TIAM1: variants seen among roughly 807,000 people sequenced by gnomAD.
The protein encoded by TIAM1 is rho guanine nucleotide exchange factor TIAM1.
TIAM1 carries 65 observed loss-of-function variants against 163.5 expected under a neutral mutation model. The observed-to-expected ratio is 0.40, with a 90% CI of 0.33 to 0.49. The LOEUF is 0.49. TIAM1 is among the 20% of genes least tolerant of loss of function. The probability of loss-of-function intolerance (pLI) is 0.77; values close to 1 mark genes in which losing one functional copy is unlikely to be tolerated. For missense variants in TIAM1, 1,789 were observed against 2,044.7 expected, an observed-to-expected ratio of 0.87 and a Z score of 2.41; for synonymous variants, 833 against 810.1, an observed-to-expected ratio of 1.03 and a Z score of -0.48.
At chr21:31,491,406 A>G (rs1246849169) in intron 1 of TIAM1, among the ~76,000 whole-genome samples, 20 of 152,234 alleles carry the variant, frequency 1.3e-4, no homozygotes. Context: ...AGAGTCTGGA[A>G]TCTTACAAAC....
intron 2 of TIAM1, among the ~76,000 whole-genome samples, chr21:31,301,973 G>A (rs902024042): frequency 2.9e-4 from 44 of 150,266 alleles, no homozygotes; most frequent in African/African-American, 8.3e-4. Flanking sequence ...ATATGTGTGC[G>A]TATATATATA....
chr21:31,173,955 G>A (rs1164250867), intron 15 of TIAM1, among the ~76,000 whole-genome samples: 3 of 152,180 alleles, frequency 2.0e-5, no homozygotes, highest in Non-Finnish European at 4.4e-5. Flanking sequence ...ACGCAGGCAG[G>A]CCATGTGCTG....
rs1271250656 is a variant in TIAM1, at chr21:31,141,120, C to G, written c.3772G>C (p.Glu1258Gln). The part of the protein sequence containing the change: ...LIAEQTGEKK[E>Q]VADLSMGDLL... ...CCTGAGAAGATGGGGACCCTCACCT[C>G]TTTTTTCTCACCAGTCTGTTCAGCA... The change falls in exon 22 of 28, where the codon GAG becomes CAG. Residue 1258 changes from glutamate to glutamine, a missense_variant and splice_region_variant. Around this residue, in one of 5 missense-constraint regions of TIAM1, gnomAD observed 415 missense variants for 439.2 expected, o/e 0.94. Transcript: ENST00000541036. This position sits in a 1 kb window ranked among gnomAD's most constrained non-coding sequence, Gnocchi z 4.7. 4 of 1,612,148 alleles carry G rather than the reference C, an allele frequency of 2.5e-6. No homozygotes were observed. Among genetic ancestry groups the G allele is most frequent in the Non-Finnish European group, 3.4e-6 (4 of 1,179,010 alleles).
chr21:31,412,478 T>C (rs2077375510), intron 2 of TIAM1, among the ~76,000 whole-genome samples: 1 of 151,806 alleles, frequency 6.6e-6, no homozygotes, highest in African/African-American at 2.4e-5. Context: ...CATCAGGCAT[T>C]AGATTCTTAT....
intron 2 of TIAM1, among the ~76,000 whole-genome samples, chr21:31,353,832 TATC>T (rs1219486992): frequency 2.7e-5 from 3 of 109,384 alleles, no homozygotes; most frequent in South Asian, 7.2e-4. Flanking sequence ...TTTATTTATT[TATC>T]TTTTTTTTTT....
Position 31,543,862 on chromosome 21 carries a change from C to A in TIAM1, c.-422+15065G>T, listed in dbSNP as rs1022064463. On this transcript the variant is annotated intron_variant, in intron 1 of 28. Transcript: ENST00000286827. ...TATCAGAGCTAAGCTTTCAGAAAATCAAGCTTCTTAGCACTGAGGACATAT... is the reference window on the plus strand; with the variant it reads ...TATCAGAGCTAAGCTTTCAGAAAATAAAGCTTCTTAGCACTGAGGACATAT... Among the ~76,000 whole-genome samples, 12 of 152,172 alleles carry A rather than the reference C, an allele frequency of 7.9e-5. 1 individual carries two copies.
Position 31,223,391 on chromosome 21 carries a change from T to C in TIAM1, c.1995+15A>G. On this transcript the variant is annotated intron_variant, in intron 8 of 27. Coordinates refer to ENST00000541036, the MANE Select transcript of TIAM1 (RefSeq NM_001353694.2). ...AAGCTTAATGTTTTTCAAAAATTCA[T>C]TAGCTTCTACTCACCAGGGCATGAA... The C allele has an allele frequency of 6.3e-7, 1 of 1,585,152 alleles. No homozygotes were observed. The highest frequency in any genetic ancestry group is 8.6e-7 in the Non-Finnish European group (1 of 1,164,900).
In TIAM1 at chr21:31,362,836, T is replaced by C. The variant is rs1375323504; in HGVS notation, c.-368-23414A>G. On this transcript the variant is annotated intron_variant, in intron 2 of 28. Transcript: ENST00000286827. Reference sequence around the variant, plus strand: ...AGGGAGCGCTCACTCTCATTCTTACTTACACTGTAAGGGGGTTTATCATTG... The same window carrying C: ...AGGGAGCGCTCACTCTCATTCTTACCTACACTGTAAGGGGGTTTATCATTG... 3.3e-5 allele frequency among the ~76,000 whole-genome samples: 5 copies of C among 152,128 alleles called. 1 individual carries two copies. The highest frequency in any genetic ancestry group is 2.6e-4 in the Admixed American group (4 of 15,278).
intron 2 of TIAM1, among the ~76,000 whole-genome samples, chr21:31,287,883 A>G (rs965341702): frequency 1.3e-5 from 2 of 152,140 alleles, no homozygotes; most frequent in African/African-American, 4.8e-5. Context: ...AAGAGAAGGG[A>G]AAGACTTATT....
intron 15 of TIAM1, among the ~76,000 whole-genome samples, chr21:31,171,072 A>G (rs1020948872): frequency 3.4e-5 from 5 of 148,526 alleles, no homozygotes; most frequent in Admixed American, 2.0e-4. Context: ...ATTGGGGGCC[A>G]TCTGTATATG....
chr21:31,546,380 T>C (rs978809780), intron 1 of TIAM1, among the ~76,000 whole-genome samples: 1 of 151,882 alleles, frequency 6.6e-6, no homozygotes, highest in Non-Finnish European at 1.5e-5. Context: ...CGAAACCCCA[T>C]GTCTACTAAA....
chr21:31,255,345 C>T (rs2072039078), intron 4 of TIAM1, among the ~76,000 whole-genome samples: 1 of 152,186 alleles, frequency 6.6e-6, no homozygotes, highest in African/African-American at 2.4e-5. Context: ...CAGCCCCAGC[C>T]CTTATTCAGT....
chr21:31,130,104 A>G (rs923597544), intron 25 of TIAM1, 109 bp downstream of exon 25: 3 of 887,742 alleles, frequency 3.4e-6, no homozygotes, highest in South Asian at 1.9e-5. Flanking sequence ...GGGAAAAAAA[A>G]AAAAAAAAGA....
At position 31,205,491 on chromosome 21, in the gene TIAM1, A is replaced by G. The variant is rs117687551; in HGVS notation, c.2389-2479T>C. Among the ~76,000 whole-genome samples, 11 of 152,340 alleles carry G rather than the reference A, an allele frequency of 7.2e-5. No homozygotes were observed. In the East Asian group the frequency reaches 2.1e-3, roughly 29 times the overall value. ...GAAACTTCAGTGTGAGAGACAGCCC[A>G]CTGTCAGGCACAAATAGCCTAAGGT... On this transcript the variant is annotated intron_variant, in intron 11 of 27. Transcript: ENST00000541036.
At chr21:31,401,986 G>T (rs142177060) in intron 2 of TIAM1, among the ~76,000 whole-genome samples, 2 of 151,862 alleles carry the variant, frequency 1.3e-5, no homozygotes, top group South Asian at 4.2e-4. Flanking sequence ...AGGCCGATGC[G>T]GGTGGATCAG....
intron 1 of TIAM1, among the ~76,000 whole-genome samples, chr21:31,497,956 T>C (rs1221415038): frequency 1.3e-5 from 2 of 152,242 alleles, no homozygotes; most frequent in African/African-American, 4.8e-5. Flanking sequence ...CAAGCCACAA[T>C]TCCCCATAGC....
chr21:31,383,168 A>G (rs1192022188), intron 2 of TIAM1, among the ~76,000 whole-genome samples: 1 of 152,144 alleles, frequency 6.6e-6, no homozygotes, highest in Non-Finnish European at 1.5e-5. Flanking sequence ...TGAACCCAAC[A>G]GGCAGAGGTT....
At chr21:31,325,798 A>G (rs1171545188) in intron 2 of TIAM1, among the ~76,000 whole-genome samples, 1 of 152,200 alleles carries the variant, frequency 6.6e-6, no homozygotes, top group Non-Finnish European at 1.5e-5. Context: ...ACCAGCCATC[A>G]GTGAGTTAAG....
At chr21:31,128,540 G>A (rs2082295117) in intron 25 of TIAM1, among the ~76,000 whole-genome samples, 2 of 152,136 alleles carry the variant, frequency 1.3e-5, no homozygotes, top group African/African-American at 4.8e-5. Context: ...AGGAAACAAA[G>A]GAACTAGATA....
Sources: allele counts gnomAD v4.1 joint callset (sites outside exome capture counted in the v4.1 genomes callset), GRCh38; gene constraint gnomAD v4.1.1; regional missense constraint gnomAD v4.1.1; non-coding constraint Gnocchi (gnomAD v3.1); transcripts MANE v1.5; gene names NCBI Gene and HGNC (gene_info 2026-07-23, HGNC 2026-07-21).